Variants in ANKFN1 observed in about 807,000 individuals in gnomAD.
ANKFN1 encodes the protein ankyrin repeat and fibronectin type III domain containing 1, also known as ankyrin repeat and fibronectin type-III domain-containing protein 1.
Under a neutral mutation model 108.7 loss-of-function variants are expected in ANKFN1, and 74 were observed. The ratio of observed to expected loss-of-function variants is 0.68; its 90% CI spans 0.56 to 0.83. The LOEUF (loss-of-function observed/expected upper bound fraction) is 0.83. ANKFN1 is among the 40% of genes least tolerant of loss of function. ANKFN1 has a pLI of 0.00. For synonymous variants in ANKFN1, 547 were observed against 516.2 expected (o/e 1.06, Z -0.81); for missense variants, 1,505 against 1,382.3 (o/e 1.09, Z -1.41).
chr17:56,220,215 C>T (rs137997158), intron 2 of ANKFN1, among the ~76,000 whole-genome samples: 38 of 152,162 alleles, frequency 2.5e-4, no homozygotes, highest in Admixed American at 6.5e-4. Flanking sequence ...TAATACAATA[C>T]CTGGAAAAAG....
At chr17:56,425,312 G>A (rs1245085340) in intron 8 of ANKFN1, among the ~76,000 whole-genome samples, 1 of 152,138 alleles carries the variant, frequency 6.6e-6, no homozygotes, top group Non-Finnish European at 1.5e-5. Flanking sequence ...CAAAGGTGGA[G>A]ATAATGTCCA....
chr17:56,489,342 C>T (rs2050954608), intron 18 of ANKFN1, among the ~76,000 whole-genome samples: 1 of 151,904 alleles, frequency 6.6e-6, no homozygotes. Flanking sequence ...TAGAAGCTTC[C>T]AGTCTGTCTT....
intron 6 of ANKFN1, among the ~76,000 whole-genome samples, chr17:56,364,234 T>C (rs1490767436): frequency 6.6e-6 from 1 of 152,068 alleles, no homozygotes; most frequent in African/African-American, 2.4e-5. Flanking sequence ...TAAAATAAAA[T>C]TTAAAAAAGA....
At chr17:56,066,086 A>C (rs1025842108) in intron 4 of ANKFN1, among the ~76,000 whole-genome samples, 1 of 152,222 alleles carries the variant, frequency 6.6e-6, no homozygotes, top group African/African-American at 2.4e-5. Flanking sequence ...ATTACCTGAG[A>C]CATTGGAGGT....
chr17:56,474,529 G>C, intron 15 of ANKFN1, among the ~76,000 whole-genome samples: 1 of 152,088 alleles, frequency 6.6e-6, no homozygotes, highest in East Asian at 1.9e-4. Context: ...AATTACTAGG[G>C]TCGTTCCGTG....
intron 3 of ANKFN1, among the ~76,000 whole-genome samples, chr17:56,280,761 T>C (rs1259837822): frequency 6.6e-6 from 1 of 152,110 alleles, no homozygotes. Context: ...GCAAAGGATA[T>C]AGAATAGTCA....
intron 4 of ANKFN1, among the ~76,000 whole-genome samples, chr17:56,051,410 G>A (rs1238575204): frequency 1.3e-4 from 17 of 131,134 alleles, no homozygotes; most frequent in African/African-American, 4.4e-4. Context: ...GTATTGATGG[G>A]ACATATCTCA....
intron 4 of ANKFN1, among the ~76,000 whole-genome samples, chr17:56,048,839 C>T (rs1904725184): frequency 6.6e-6 from 1 of 152,214 alleles, no homozygotes; most frequent in Non-Finnish European, 1.5e-5. Context: ...CCTCCCCTAA[C>T]AGAGCCAGCA....
At chr17:56,402,178 G>A (rs1423378494) in intron 8 of ANKFN1, among the ~76,000 whole-genome samples, 1 of 152,078 alleles carries the variant, frequency 6.6e-6, no homozygotes, top group Non-Finnish European at 1.5e-5. Flanking sequence ...TCCTTTCCTG[G>A]TTTGGGTATT....
At chr17:56,322,658 G>A (rs375715170) in intron 3 of ANKFN1, among the ~76,000 whole-genome samples, 5 of 152,140 alleles carry the variant, frequency 3.3e-5, no homozygotes, top group Admixed American at 2.0e-4. Flanking sequence ...CCGTGACGCC[G>A]AACCTGTTTC....
chr17:56,272,630 A>G (rs1451532010), intron 3 of ANKFN1, among the ~76,000 whole-genome samples: 2 of 152,178 alleles, frequency 1.3e-5, no homozygotes, highest in Non-Finnish European at 2.9e-5. Context: ...TAATGTTGCT[A>G]TGAAGATGGG....
chr17:56,425,204 T>C (rs1187289302), intron 8 of ANKFN1, among the ~76,000 whole-genome samples: 11 of 151,660 alleles, frequency 7.3e-5, no homozygotes, highest in Non-Finnish European at 4.4e-5. Flanking sequence ...ATGCCAAATA[T>C]TTGGGTTTAC....
intron 3 of ANKFN1, among the ~76,000 whole-genome samples, chr17:56,313,514 G>C (rs902599632): frequency 1.3e-5 from 2 of 152,162 alleles, no homozygotes; most frequent in Non-Finnish European, 2.9e-5. Flanking sequence ...GTAGTAATCT[G>C]AGCCTTGAGG....
At chr17:56,105,848 G>A (rs1462412125) in intron 4 of ANKFN1, among the ~76,000 whole-genome samples, 1 of 151,724 alleles carries the variant, frequency 6.6e-6, no homozygotes, top group Non-Finnish European at 1.5e-5. Context: ...TTCCCCAGGA[G>A]GCATTTCTGA....
chr17:56,191,404 G>A lies in ANKFN1; in HGVS notation c.-70-21194G>A, dbSNP rs1229771526. On this transcript the variant is annotated intron_variant, in intron 1 of 20. Transcript: ENST00000682825. ...TCCTTCAGGAGCTATTTTAGGGCAG[G>A]CCTGATGGTGACAAAATCGGTCAGC... Among the ~76,000 whole-genome samples, 4 of 60,730 alleles carry A rather than the reference G, an allele frequency of 6.6e-5. 2 individuals are homozygous for A. In the East Asian group the frequency reaches 7.1e-3, roughly 107 times the overall value. 39.8% of individuals were successfully genotyped at this position (60,730 alleles called of 152,430 possible).
chr17:56,145,135 T>C (rs903190805), intron 4 of ANKFN1, among the ~76,000 whole-genome samples: 7 of 152,278 alleles, frequency 4.6e-5, no homozygotes, highest in Admixed American at 3.3e-4. Flanking sequence ...TCTTGTTCTA[T>C]AAGGCAGGCA....
rs939532521 is a variant in ANKFN1, at chr17:56,257,274, A to C, written c.53+29317A>C. Among the ~76,000 whole-genome samples, 28 of 152,228 alleles carry C rather than the reference A, an allele frequency of 1.8e-4. 2 individuals are homozygous for C. The highest frequency in any genetic ancestry group is 6.5e-5 in the Admixed American group (1 of 15,282). On this transcript the variant is annotated intron_variant, in intron 3 of 20. Transcript: ENST00000682825. ...AAGAAAAACCGACACTAGAGGGCTA[A>C]GTTAATGATCAGAGATCCTAGAATC...
At chr17:56,101,329 C>T (rs1230461234) in intron 4 of ANKFN1, among the ~76,000 whole-genome samples, 1 of 152,176 alleles carries the variant, frequency 6.6e-6, no homozygotes, top group Non-Finnish European at 1.5e-5. Context: ...AAATCAATGT[C>T]ACAGATGAAT....
chr17:56,056,009 T>G (rs1904870664), intron 4 of ANKFN1, among the ~76,000 whole-genome samples: 1 of 152,058 alleles, frequency 6.6e-6, no homozygotes, highest in Non-Finnish European at 1.5e-5. Context: ...TTTTTTCTTT[T>G]GCTGCTTATA....
Sources: gnomAD v4.1 joint callset for allele counts (sites outside exome capture counted in the v4.1 genomes callset) on GRCh38, gnomAD v4.1.1 for gene constraint, MANE v1.5 for transcripts, NCBI Gene and HGNC (gene_info 2026-07-23, HGNC 2026-07-21) for gene names.